The following ANO10 variants were observed in gnomAD, a reference collection of about 807,000 sequenced individuals.
ANO10 encodes anoctamin-10.
A neutral mutation model predicts 74.7 loss-of-function variants in ANO10; 77 were observed. That is an observed-to-expected ratio of 1.03 (90% CI 0.86 to 1.25). The LOEUF (loss-of-function observed/expected upper bound fraction) is 1.25, where lower values mean the gene tolerates loss of function less well. ANO10 is among the 50% of genes most tolerant of loss of function. The pLI is 0.00. For synonymous variants in ANO10, 279 were observed against 284.9 expected (o/e 0.98, Z 0.21); for missense variants, 721 against 778.1 (o/e 0.93, Z 0.87).
At chr3:43,508,832 A>G (rs1236866747) in intron 11 of ANO10, among the ~76,000 whole-genome samples, 1 of 151,634 alleles carries the variant, frequency 6.6e-6, no homozygotes, top group Non-Finnish European at 1.5e-5. Context: ...ATTAGGAGAT[A>G]TACCTAATGT....
chr3:43,396,617 A>G (rs2092387255), intron 12 of ANO10, among the ~76,000 whole-genome samples: 1 of 151,962 alleles, frequency 6.6e-6, no homozygotes, highest in Admixed American at 6.5e-5. Context: ...GATTACAGGT[A>G]TGAGCCACCG....
intron 11 of ANO10, among the ~76,000 whole-genome samples, chr3:43,458,305 C>T (rs2075229394): frequency 6.6e-6 from 1 of 152,166 alleles, no homozygotes; most frequent in Admixed American, 6.5e-5. Context: ...TCCTTAAAGA[C>T]AGACACACTT....
intron 1 of ANO10, among the ~76,000 whole-genome samples, chr3:43,662,716 A>C (rs2083940697): frequency 6.6e-6 from 1 of 152,232 alleles, no homozygotes; most frequent in African/African-American, 2.4e-5. Context: ...GGATATCACC[A>C]CCAATCCCAC....
At chr3:43,406,308 A>T (rs554295241) in intron 12 of ANO10, among the ~76,000 whole-genome samples, 2 of 152,330 alleles carry the variant, frequency 1.3e-5, no homozygotes, top group African/African-American at 4.8e-5. Context: ...AGTCAAGGGA[A>T]ATATCAAAAG....
chr3:43,490,296 A>G (rs1171295115), intron 11 of ANO10, among the ~76,000 whole-genome samples: 3 of 152,196 alleles, frequency 2.0e-5, no homozygotes, highest in Admixed American at 1.3e-4. Flanking sequence ...CTCTCTAAAT[A>G]TTCCCTCCTG....
Position 43,366,969 on chromosome 3 carries a change from C to A in ANO10, c.1920G>T (p.Met640Ile), listed in dbSNP as rs1426653561. Residue 640 changes from methionine to isoleucine, a missense_variant, in exon 13 of 13, where the codon ATG becomes ATT. Transcript: ENST00000292246. ...CCTTCAGGTTCTCGGTCACGAGCTTCATTTGCTGTTAAGAGAAAACAGGAC... is the reference window on the plus strand; with the variant it reads ...CCTTCAGGTTCTCGGTCACGAGCTTAATTTGCTGTTAAGAGAAAACAGGAC... ...ESLEALKQQQ[M>I]KLVTENLKEE... The A allele has an allele frequency of 1.3e-6, 2 of 1,599,632 alleles. No homozygotes were observed. Among genetic ancestry groups the A allele is most frequent in the African/African-American group, 2.7e-5 (2 of 74,926 alleles).
intron 8 of ANO10, among the ~76,000 whole-genome samples, chr3:43,564,873 T>C (rs2080233984): frequency 6.6e-6 from 1 of 152,152 alleles, no homozygotes; most frequent in South Asian, 2.1e-4. Flanking sequence ...CATTCCCCTA[T>C]CTTCTGCTAA....
intron 12 of ANO10, among the ~76,000 whole-genome samples, chr3:43,368,258 G>T (rs544677696): frequency 6.6e-6 from 1 of 152,168 alleles, no homozygotes; most frequent in Non-Finnish European, 1.5e-5. Flanking sequence ...AGGGGGCTAC[G>T]GAGAGTCAAG....
chr3:43,561,459 T>C, intron 8 of ANO10, 57 bp from the exon 9 acceptor site: 1 of 1,416,800 alleles, frequency 7.1e-7, no homozygotes, highest in South Asian at 1.2e-5. Flanking sequence ...AACTATAGCA[T>C]TTGTATAAAT....
At chr3:43,575,392 CAT>C (rs1159555971) in intron 6 of ANO10, among the ~76,000 whole-genome samples, 1 of 152,142 alleles carries the variant, frequency 6.6e-6, no homozygotes, top group African/African-American at 2.4e-5. Flanking sequence ...TCATCTTACA[CAT>C]AGAGTGTTGG....
intron 12 of ANO10, among the ~76,000 whole-genome samples, chr3:43,419,887 T>C (rs1020964350): frequency 1.3e-5 from 2 of 152,234 alleles, no homozygotes; most frequent in African/African-American, 2.4e-5. Context: ...ATTTATGTTC[T>C]CATAAGCATT....
intron 1 of ANO10, among the ~76,000 whole-genome samples, chr3:43,647,674 C>CG (rs1427617168): frequency 6.6e-6 from 1 of 152,112 alleles, no homozygotes; most frequent in Admixed American, 6.5e-5. Context: ...ACTCTGTATT[C>CG]GAAGTATTCA....
intron 11 of ANO10, among the ~76,000 whole-genome samples, chr3:43,433,625 T>C (rs1204370552): frequency 6.6e-6 from 1 of 152,208 alleles, no homozygotes; most frequent in African/African-American, 2.4e-5. Context: ...AACCTGGCTA[T>C]TATTTTTCCT....
intron 1 of ANO10, among the ~76,000 whole-genome samples, chr3:43,615,766 G>A (rs1239526311): frequency 6.6e-6 from 1 of 151,812 alleles, no homozygotes; most frequent in Admixed American, 6.6e-5. Context: ...CGATTCTCCT[G>A]CCTCAGCCTC....
chr3:43,654,029 A>G (rs2083818772), intron 1 of ANO10, among the ~76,000 whole-genome samples: 1 of 151,664 alleles, frequency 6.6e-6, no homozygotes, highest in Non-Finnish European at 1.5e-5. Context: ...GTGTCTGAAG[A>G]TGAAACTGAC....
intron 1 of ANO10, among the ~76,000 whole-genome samples, chr3:43,681,228 A>T (rs1173036972): frequency 6.6e-6 from 1 of 152,086 alleles, no homozygotes; most frequent in Non-Finnish European, 1.5e-5. Context: ...AAAGGGATGG[A>T]GGAAGATCTA....
chr3:43,675,781 G>A (rs1004751134), intron 1 of ANO10, among the ~76,000 whole-genome samples: 4 of 152,140 alleles, frequency 2.6e-5, no homozygotes, highest in African/African-American at 7.2e-5. Flanking sequence ...CCAAAGGCTG[G>A]CAAGGAAGTG....
chr3:43,670,309 G>C (rs1405232292), intron 1 of ANO10, among the ~76,000 whole-genome samples: 1 of 147,742 alleles, frequency 6.8e-6, no homozygotes, highest in Non-Finnish European at 1.5e-5. Context: ...CTGGGTGACA[G>C]AGCAAGACCC....
At chr3:43,494,937 AT>A (rs201977960) in intron 11 of ANO10, among the ~76,000 whole-genome samples, 517 of 152,252 alleles carry the variant, frequency 3.4e-3, no homozygotes, top group Non-Finnish European at 4.7e-3. Flanking sequence ...TATAAAAAAA[AT>A]AAAAGAATTA....
Sources: gnomAD v4.1 joint callset for allele counts (sites outside exome capture counted in the v4.1 genomes callset) on GRCh38, gnomAD v4.1.1 for gene constraint, MANE v1.5 for transcripts, NCBI Gene and HGNC (gene_info 2026-07-23, HGNC 2026-07-21) for gene names.